VSTM2A: variants seen among roughly 807,000 people sequenced by gnomAD.
VSTM2A encodes V-set and transmembrane domain-containing protein 2A.
In VSTM2A, 13 loss-of-function variants were observed where a neutral mutation model predicts 27.3. The observed-to-expected ratio is 0.48, with a 90% confidence interval of 0.31 to 0.76. The LOEUF (loss-of-function observed/expected upper bound fraction) is 0.76. VSTM2A is among the 30% of genes least tolerant of loss of function. The probability of loss-of-function intolerance (pLI) is 0.05; values close to 1 mark genes in which losing one functional copy is unlikely to be tolerated. For synonymous variants in VSTM2A, 142 were observed against 125.7 expected (o/e 1.13, Z -0.87); for missense variants, 280 against 310.0 (o/e 0.90, Z 0.73).
At chr7:54,542,911 T>A in intron 1 of VSTM2A, 102 bp downstream of exon 1, 1 of 1,095,874 alleles carries the variant, frequency 9.1e-7, no homozygotes, top group Non-Finnish European at 1.4e-6. Flanking sequence ...TCCTAGCAAG[T>A]AACAGTGGGC....
intron 4 of VSTM2A, chr7:54,551,604 A>C (rs1321149229): frequency 6.6e-6 from 1 of 152,242 alleles, no homozygotes; most frequent in Non-Finnish European, 1.5e-5. Flanking sequence ...GTATCCATAC[A>C]CACTAAACAC....
intron 4 of VSTM2A, among the ~76,000 whole-genome samples, chr7:54,566,648 T>C (rs1320558806): frequency 1.3e-5 from 2 of 152,092 alleles, no homozygotes; most frequent in Non-Finnish European, 2.9e-5. Context: ...AAATAGGCAA[T>C]CCTATCACAA....
At chr7:54,551,810 A>G (rs1378630954) in intron 4 of VSTM2A, 1 of 152,246 alleles carries the variant, frequency 6.6e-6, no homozygotes, top group African/African-American at 2.4e-5. Context: ...AGAACTCCAA[A>G]TCATGGAAGT....
intron 4 of VSTM2A, among the ~76,000 whole-genome samples, chr7:54,560,960 T>G (rs1457608386): frequency 6.6e-6 from 1 of 152,214 alleles, no homozygotes; most frequent in African/African-American, 2.4e-5. Context: ...AGACACACCC[T>G]GAGGAGCCTG....
intron 3 of VSTM2A, chr7:54,547,241 A>G: frequency 2.3e-6 from 1 of 427,948 alleles, no homozygotes; most frequent in Non-Finnish European, 4.1e-6. Context: ...GTTGTGTGAC[A>G]CTTTCTTTCC....
At chr7:54,556,654 A>T (rs1451050092) in intron 4 of VSTM2A, among the ~76,000 whole-genome samples, 3 of 152,242 alleles carry the variant, frequency 2.0e-5, no homozygotes, top group Non-Finnish European at 4.4e-5. Flanking sequence ...GTGTCTATGA[A>T]TAAGACAAAA....
intron 4 of VSTM2A, among the ~76,000 whole-genome samples, chr7:54,560,973 C>A (rs924892700): frequency 2.0e-5 from 3 of 152,086 alleles, no homozygotes; most frequent in African/African-American, 7.2e-5. Context: ...GGAGCCTGTT[C>A]GTCAGCCTTG....
At chr7:54,563,706 C>A (rs576883109) in intron 4 of VSTM2A, among the ~76,000 whole-genome samples, 1 of 152,084 alleles carries the variant, frequency 6.6e-6, no homozygotes, top group South Asian at 2.1e-4. Context: ...CCCTCAGCTA[C>A]GGTAAGAGCC....
Position 54,569,554 on chromosome 7 carries a change from C to G in VSTM2A, c.*335C>G, listed in dbSNP as rs186359178. 7.8e-4 allele frequency: 177 copies of G among 227,496 alleles called. No individual in the cohort carries two copies. The highest frequency in any genetic ancestry group is 1.9e-3 in the Admixed American group (36 of 19,036). 14.1% of individuals were successfully genotyped at this position (227,496 alleles called of 1,614,324 possible). A position where few individuals can be genotyped will look rare whatever the true frequency, so the allele number is the denominator to read the frequency against. On this transcript the variant is annotated 3_prime_UTR_variant, in exon 5 of 5. Transcript: ENST00000402613. ...AACAGAAGCTATCATCAGACAAAAC[C>G]CCCTTTTTAGGGGAAGAACAAAACT...
chr7:54,548,032 A>G (rs1788059117), intron 3 of VSTM2A, among the ~76,000 whole-genome samples: 1 of 152,228 alleles, frequency 6.6e-6, no homozygotes, highest in South Asian at 2.1e-4. Context: ...TTATTCTTAT[A>G]TCACAGAAAC....
At chr7:54,554,048 G>A (rs759637320) in intron 4 of VSTM2A, 12 of 1,552,534 alleles carry the variant, frequency 7.7e-6, no homozygotes, top group Non-Finnish European at 1.0e-5. Flanking sequence ...CCCCTGGTGT[G>A]CAGAGCTGCG....
At position 54,544,779 on chromosome 7, in the gene VSTM2A, C is replaced by T; in HGVS notation, c.237C>T (p.Ala79=). The change falls in exon 2 of 5, where the codon GCC becomes GCT. Residue 79 remains alanine (A), a synonymous_variant. Transcript: ENST00000402613. ...PEDLDPGAEG[A]GAQVELLPDR... ...ACCTGGATCCCGGGGCCGAGGGGGC[C>T]GGCGCGCAGGTAGCGGAGCCCGCCG... 1.2e-6 allele frequency: 2 copies of T among 1,606,926 alleles called. No homozygotes were observed. The highest frequency in any genetic ancestry group is 2.2e-5 in the East Asian group (1 of 44,584).
In VSTM2A at chr7:54,550,151, CA is replaced by C; in HGVS notation, c.618del (p.Lys206AsnfsTer13). 1 of 1,600,404 alleles carries C rather than the reference CA, an allele frequency of 6.2e-7. No individual in the cohort carries two copies. The highest frequency in any genetic ancestry group is 8.5e-7 in the Non-Finnish European group (1 of 1,173,638). ...SSPQVVAKIP[K>X]QSPQSAKSKS... ...GCCCTCAAGTGGTAGCCAAAATCCC[CA>C]AACAAAGTCCACAATCAGGTATGGA... is the stretch of plus-strand genomic sequence containing the variant. On this transcript the variant is annotated frameshift_variant, in exon 4 of 5. Coordinates refer to ENST00000402613, the MANE Select transcript of VSTM2A (RefSeq NM_001301009.2). LOFTEE classifies it high-confidence loss of function.
chr7:54,546,982 C>T lies in VSTM2A; in HGVS notation c.282C>T (p.Asp94=). 2 of 1,590,476 alleles carry T rather than the reference C, an allele frequency of 1.3e-6. No homozygotes were observed. Among genetic ancestry groups the T allele is most frequent in the Non-Finnish European group, 1.7e-6 (2 of 1,171,740 alleles). The change falls in exon 3 of 5, where the codon GAC becomes GAT. Residue 94 remains aspartate (D), a synonymous_variant. Coordinates refer to ENST00000402613, the MANE Select transcript of VSTM2A (RefSeq NM_001301009.2). Reference sequence around the variant, plus strand: ...TGCCCGACAGAGACCCGGACAGCGACGGGACCAAGATCAGCGTGAGTGCGG... The same window carrying T: ...TGCCCGACAGAGACCCGGACAGCGATGGGACCAAGATCAGCGTGAGTGCGG... ...ELLPDRDPDS[D]GTKISTVKVQ... is the part of the protein sequence containing the mutation.
chr7:54,562,228 T>G (rs1159091104), intron 4 of VSTM2A, among the ~76,000 whole-genome samples: 1 of 152,232 alleles, frequency 6.6e-6, no homozygotes. Flanking sequence ...AGCCTTTAGT[T>G]TTTATATTTA....
intron 4 of VSTM2A, among the ~76,000 whole-genome samples, chr7:54,555,122 T>A (rs2115852603): frequency 6.6e-6 from 1 of 152,326 alleles, no homozygotes; most frequent in African/African-American, 2.4e-5. Context: ...CACACTGAAT[T>A]GTCCTAGTAA....
chr7:54,566,805 C>T (rs557057213), intron 4 of VSTM2A, among the ~76,000 whole-genome samples: 2 of 152,298 alleles, frequency 1.3e-5, no homozygotes, highest in East Asian at 1.9e-4. Context: ...GCGGTCCTGA[C>T]GGCAATCCTG....
At chr7:54,547,240 CACTT>C (rs1223414823) in intron 3 of VSTM2A, 2 of 428,298 alleles carry the variant, frequency 4.7e-6, no homozygotes, top group Non-Finnish European at 8.2e-6. Context: ...GGTTGTGTGA[CACTT>C]TCTTTCCTTG....
chr7:54,552,935 A>C (rs1415390874), intron 4 of VSTM2A, among the ~76,000 whole-genome samples: 1 of 152,210 alleles, frequency 6.6e-6, no homozygotes, highest in Non-Finnish European at 1.5e-5. Flanking sequence ...TTAAACTGAA[A>C]CACTCACCTC....
Sources: allele counts gnomAD v4.1 joint callset (sites outside exome capture counted in the v4.1 genomes callset), GRCh38; gene constraint gnomAD v4.1.1; transcripts MANE v1.5; gene names NCBI Gene and HGNC (gene_info 2026-07-23, HGNC 2026-07-21).